Variants in NDUFV3 observed in about 807,000 individuals in gnomAD.
NDUFV3 encodes the protein NADH:ubiquinone oxidoreductase subunit V3.
Under a neutral mutation model 37.5 loss-of-function variants are expected in NDUFV3, and 44 were observed. The observed-to-expected ratio is 1.17, with a 90% confidence interval of 0.92 to 1.51. The LOEUF is 1.51. NDUFV3 is among the 40% of genes most tolerant of loss of function. NDUFV3 has a pLI of 0.00. For missense variants in NDUFV3, 580 were observed against 580.4 expected (o/e 1.00, Z 0.01); for synonymous variants, 235 against 239.3 (o/e 0.98, Z 0.17).
rs1192271109 is a variant in NDUFV3, at chr21:42,908,895, C to T, written c.1296C>T (p.Asp432=). The part of the protein sequence containing the change: ...EPAPVPAEPF[D]NTTYKNLQHH... ...CCCCAGTGCCTGCTGAGCCGTTTGA[C>T]AACACTACCTACAAGAACCTGCAGC... Residue 432 remains aspartate (D), a synonymous_variant, in exon 4 of 4, where the codon GAC becomes GAT. Transcript: ENST00000354250. 4 of 1,613,992 alleles carry T rather than the reference C, an allele frequency of 2.5e-6. No individual in the cohort carries two copies. Among genetic ancestry groups the T allele is most frequent in the Non-Finnish European group, 3.4e-6 (4 of 1,180,030 alleles).
chr21:42,893,863 A>G (rs1158180370), intron 1 of NDUFV3, among the ~76,000 whole-genome samples: 2 of 152,234 alleles, frequency 1.3e-5, no homozygotes, highest in Non-Finnish European at 2.9e-5. Flanking sequence ...GCCAGCTGAC[A>G]TGACCTGACC....
chr21:42,897,120 G>T, intron 2 of NDUFV3, 73 bp downstream of exon 2: 1 of 1,551,922 alleles, frequency 6.4e-7, no homozygotes, highest in South Asian at 1.1e-5. Context: ...TTCGAAGCAC[G>T]ACAGTGAGTT....
chr21:42,900,390 T>C (rs9680483), intron 2 of NDUFV3, among the ~76,000 whole-genome samples: 98,065 of 151,964 alleles, frequency 0.65, 33,324 homozygotes, highest in African/African-American at 0.86. Flanking sequence ...GTAATCCCAG[T>C]CGCTCAGGAG....
At position 42,911,970 on chromosome 21, in the gene NDUFV3, G is replaced by A. The variant is rs2058773129; in HGVS notation, c.*2949G>A. On this transcript the variant is annotated 3_prime_UTR_variant, in exon 4 of 4. Coordinates refer to ENST00000354250, the MANE Select transcript of NDUFV3 (RefSeq NM_021075.4). ...TAAAGTTCTTTCCTGGCTGGGCGCG[G>A]TGGCTCATGCCTGTAATCCCTGCAC... 6.6e-6 allele frequency: 1 copy of A among 152,226 alleles called. No individual in the cohort carries two copies. Among genetic ancestry groups the A allele is most frequent in the South Asian group, 2.1e-4 (1 of 4,838 alleles). 9.4% of individuals were successfully genotyped at this position (152,226 alleles called of 1,614,324 possible). A position where few individuals can be genotyped will look rare whatever the true frequency, so the allele number is the denominator to read the frequency against.
At position 42,910,891 on chromosome 21, in the gene NDUFV3, A is replaced by G. The variant is rs2058767864; in HGVS notation, c.*1870A>G. The G allele has an allele frequency of 1.3e-5, 2 of 152,938 alleles. No homozygotes were observed. The highest frequency in any genetic ancestry group is 2.4e-5 in the African/African-American group (1 of 41,444). 9.5% of individuals were successfully genotyped at this position (152,938 alleles called of 1,614,324 possible). On this transcript the variant is annotated 3_prime_UTR_variant, in exon 4 of 4. Coordinates refer to ENST00000354250, the MANE Select transcript of NDUFV3 (RefSeq NM_021075.4). ...GGGGCTCCTGTGCATCACATGGAGC[A>G]CGCTCCCCCAGCACTCTGCAGAGAC... is the stretch of plus-strand genomic sequence containing the variant.
chr21:42,904,305 A>G (rs1489062509), intron 3 of NDUFV3, 29 bp downstream of exon 3: 10 of 1,565,580 alleles, frequency 6.4e-6, no homozygotes, highest in Non-Finnish European at 8.7e-6. Flanking sequence ...TCCCAAGTGC[A>G]CCCTGTCCCT....
At chr21:42,894,445 A>AT (rs1181571775) in intron 1 of NDUFV3, among the ~76,000 whole-genome samples, 1 of 54,460 alleles carries the variant, frequency 1.8e-5, no homozygotes, top group African/African-American at 1.5e-4. Flanking sequence ...ATTATATAAT[A>AT]TATATAATAT....
intron 1 of NDUFV3, 90 bp from the exon 2 acceptor site, chr21:42,896,837 C>T: frequency 1.5e-6 from 2 of 1,339,298 alleles, no homozygotes; most frequent in Admixed American, 3.9e-5. Context: ...AGACCCCTGA[C>T]TCAAAAAATA....
intron 2 of NDUFV3, among the ~76,000 whole-genome samples, chr21:42,899,351 CCT>C (rs113895699): frequency 0.64 from 95,578 of 149,728 alleles, 32,100 homozygotes; most frequent in African/African-American, 0.84. Flanking sequence ...CTCACCACAA[CCT>C]CTCCGCCTCC....
intron 3 of NDUFV3, 116 bp from the exon 4 acceptor site, chr21:42,908,748 G>A: frequency 8.1e-7 from 1 of 1,238,932 alleles, no homozygotes; most frequent in East Asian, 2.3e-5. Context: ...ATAAAGAGCT[G>A]TTCACAGATA....
chr21:42,904,703 C>G (rs991604457), intron 3 of NDUFV3, among the ~76,000 whole-genome samples: 1 of 151,712 alleles, frequency 6.6e-6, no homozygotes, highest in Non-Finnish European at 1.5e-5. Flanking sequence ...CCAGGCTGGC[C>G]TCGAACTCCT....
intron 2 of NDUFV3, among the ~76,000 whole-genome samples, chr21:42,898,083 T>G (rs1243443633): frequency 6.6e-6 from 1 of 152,236 alleles, no homozygotes; most frequent in Non-Finnish European, 1.5e-5. Context: ...ATTTAGATTC[T>G]TTTGTTTTCT....
At position 42,909,091 on chromosome 21, in the gene NDUFV3, T is replaced by A; in HGVS notation, c.*70T>A. On this transcript the variant is annotated 3_prime_UTR_variant, in exon 4 of 4. Transcript: ENST00000354250. ...CCTGGAGTGCAAAAATAAAATCCAC[T>A]CAAGAGTCACAAGGCCCGCTGTGCA... 60 of 1,037,524 alleles carry A rather than the reference T, an allele frequency of 5.8e-5. No homozygotes were observed. Among genetic ancestry groups the A allele is most frequent in the Non-Finnish European group, 7.8e-5 (55 of 701,418 alleles). 64.3% of individuals were successfully genotyped at this position (1,037,524 alleles called of 1,614,324 possible).
Position 42,909,045 on chromosome 21 carries a change from C to T in NDUFV3, c.*24C>T, listed in dbSNP as rs2058756086. Reference sequence around the variant, plus strand: ...GAGGGCCCTCGGTGTGAAGATGAACCTTCCACCGTCTTCACTGCATCCTGG... The same window carrying T: ...GAGGGCCCTCGGTGTGAAGATGAACTTTCCACCGTCTTCACTGCATCCTGG... On this transcript the variant is annotated 3_prime_UTR_variant, in exon 4 of 4. Coordinates refer to ENST00000354250, the MANE Select transcript of NDUFV3 (RefSeq NM_021075.4). The T allele has an allele frequency of 6.2e-7, 1 of 1,609,546 alleles. No homozygotes were observed. The highest frequency in any genetic ancestry group is 8.5e-7 in the Non-Finnish European group (1 of 1,177,378).
In NDUFV3 at chr21:42,909,993, T is replaced by G. The variant is rs1209320814; in HGVS notation, c.*972T>G. The G allele has an allele frequency of 1.3e-5, 2 of 152,166 alleles. No individual in the cohort carries two copies. Among genetic ancestry groups the G allele is most frequent in the Non-Finnish European group, 2.9e-5 (2 of 68,052 alleles). The allele number at this position is 152,166 out of a possible 1,614,324, so 9.4% of individuals were successfully genotyped here. Reference sequence around the variant, plus strand: ...AGCCACTGCACCCAGCCAGTAATAGTGACTTCTAATCCTACAGCCCTGGTT... The same window carrying G: ...AGCCACTGCACCCAGCCAGTAATAGGGACTTCTAATCCTACAGCCCTGGTT... On this transcript the variant is annotated 3_prime_UTR_variant, in exon 4 of 4. Coordinates refer to ENST00000354250, the MANE Select transcript of NDUFV3 (RefSeq NM_021075.4).
intron 2 of NDUFV3, among the ~76,000 whole-genome samples, chr21:42,898,049 T>A (rs2058701893): frequency 6.6e-6 from 1 of 152,242 alleles, no homozygotes; most frequent in Non-Finnish European, 1.5e-5. Context: ...ATATACTATT[T>A]CCTCAGTTTG....
intron 2 of NDUFV3, among the ~76,000 whole-genome samples, chr21:42,902,268 T>C (rs1312609244): frequency 1.3e-5 from 2 of 152,162 alleles, no homozygotes; most frequent in Non-Finnish European, 2.9e-5. Context: ...AAACTTTTTA[T>C]AGTGAAACAC....
rs772043246 is a variant in NDUFV3 at position 42,904,168 on chromosome 21, G to C, written c.1156G>C (p.Glu386Gln). The change falls in exon 3 of 4, where the codon GAG (glutamate) becomes CAG (glutamine). Residue 386 changes from glutamate (E) to glutamine (Q), a missense_variant. Coordinates refer to ENST00000354250, the MANE Select transcript of NDUFV3 (RefSeq NM_021075.4). ...PPSNLETVPVENNHGFHEKTA... is the reference protein window; with the variant it reads ...PPSNLETVPVQNNHGFHEKTA... ...AAGCAATTTGGAGACAGTTCCTGTTGAGAATAACCACGGTTTCCATGAAAA... is the reference window on the plus strand; with the variant it reads ...AAGCAATTTGGAGACAGTTCCTGTTCAGAATAACCACGGTTTCCATGAAAA... 2 of 1,614,230 alleles carry C rather than the reference G, an allele frequency of 1.2e-6. No homozygotes were observed. Among genetic ancestry groups the C allele is most frequent in the Non-Finnish European group, 1.7e-6 (2 of 1,180,044 alleles).
intron 1 of NDUFV3, among the ~76,000 whole-genome samples, chr21:42,896,119 A>G (rs2058689664): frequency 6.7e-6 from 1 of 148,350 alleles, no homozygotes; most frequent in Non-Finnish European, 1.5e-5. Context: ...CAGTACCTGG[A>G]ACTACAGGCA....
Sources: gnomAD v4.1 joint callset for allele counts (sites outside exome capture counted in the v4.1 genomes callset) on GRCh38, gnomAD v4.1.1 for gene constraint, MANE v1.5 for transcripts, NCBI Gene and HGNC (gene_info 2026-07-23, HGNC 2026-07-21) for gene names.